ADAMTSL1: variants seen among roughly 807,000 people sequenced by gnomAD.
ADAMTSL1 encodes ADAMTS-like protein 1.
ADAMTSL1 carries 126 observed loss-of-function variants against 201.8 expected under a neutral mutation model. The observed-to-expected ratio is 0.62, with a 90% CI of 0.54 to 0.72. The LOEUF is 0.72. Among genes scored for constraint, ADAMTSL1 ranks in the 30% least tolerant of loss-of-function variants. ADAMTSL1 has a pLI of 0.00. For missense variants in ADAMTSL1, 2,679 were observed against 2,277.8 expected, an observed-to-expected ratio of 1.18 and a Z score of -3.59; for synonymous variants, 1,121 against 903.4, an observed-to-expected ratio of 1.24 and a Z score of -4.32.
chr9:18,439,806 A>G (rs1157480463), intron 2 of ADAMTSL1, among the ~76,000 whole-genome samples: 1 of 152,202 alleles, frequency 6.6e-6, no homozygotes, highest in Non-Finnish European at 1.5e-5. Flanking sequence ...TAGGCACTTT[A>G]TATTATTATC....
At chr9:18,744,595 C>T (rs1819025034) in intron 15 of ADAMTSL1, among the ~76,000 whole-genome samples, 3 of 152,248 alleles carry the variant, frequency 2.0e-5, no homozygotes, top group African/African-American at 7.2e-5. Context: ...GTACCAGGCC[C>T]TGGGTTTCAC....
At chr9:18,021,995 T>G (rs1172816070) in intron 1 of ADAMTSL1, among the ~76,000 whole-genome samples, 1 of 152,110 alleles carries the variant, frequency 6.6e-6, no homozygotes, top group Non-Finnish European at 1.5e-5. Flanking sequence ...AAAGTGGTGA[T>G]AAAAGGCATG....
intron 2 of ADAMTSL1, among the ~76,000 whole-genome samples, chr9:18,352,816 A>G (rs1268035903): frequency 2.6e-5 from 4 of 152,208 alleles, no homozygotes; most frequent in Non-Finnish European, 5.9e-5. Flanking sequence ...CTATTTCTCA[A>G]TCAGTCAGCG....
At chr9:18,100,486 A>G (rs548901708) in intron 1 of ADAMTSL1, among the ~76,000 whole-genome samples, 1 of 152,286 alleles carries the variant, frequency 6.6e-6, no homozygotes, top group African/African-American at 2.4e-5. Context: ...CTGAACTTTC[A>G]GAAGGATTCT....
At chr9:18,692,530 C>T (rs1006249604) in intron 13 of ADAMTSL1, among the ~76,000 whole-genome samples, 1 of 152,060 alleles carries the variant, frequency 6.6e-6, no homozygotes, top group African/African-American at 2.4e-5. Flanking sequence ...CCTTGTGTGC[C>T]AAAATAAAGT....
At chr9:18,502,208 G>A (rs985377541) in intron 1 of ADAMTSL1, among the ~76,000 whole-genome samples, 1 of 152,104 alleles carries the variant, frequency 6.6e-6, no homozygotes, top group Non-Finnish European at 1.5e-5. Context: ...TTGTAGTAAC[G>A]GATAGCATCA....
chr9:18,617,745 G>T (rs1237234240), intron 4 of ADAMTSL1, among the ~76,000 whole-genome samples: 5 of 152,120 alleles, frequency 3.3e-5, no homozygotes, highest in Admixed American at 3.3e-4. Context: ...TATTAATTTG[G>T]TAAGTTTCAG....
intron 2 of ADAMTSL1, among the ~76,000 whole-genome samples, chr9:18,332,226 T>G (rs60545315): frequency 0.031 from 4,699 of 152,298 alleles, 255 homozygotes; most frequent in African/African-American, 0.11. Context: ...CCATGTTATC[T>G]TACATAGATG....
At chr9:18,629,054 A>G (rs375676133) in intron 5 of ADAMTSL1, among the ~76,000 whole-genome samples, 22 of 152,232 alleles carry the variant, frequency 1.4e-4, no homozygotes, top group Admixed American at 9.8e-4. Context: ...TCCATGTCCA[A>G]TTATATATTC....
In ADAMTSL1 at chr9:18,697,718, T is replaced by A. The variant is rs1376255522; in HGVS notation, c.1575-9029T>A. Among the ~76,000 whole-genome samples the A allele has an allele frequency of 2.0e-5, 3 of 152,146 alleles. No homozygotes were observed. In the East Asian group the frequency reaches 5.8e-4, roughly 29 times the overall value. Reference sequence around the variant, plus strand: ...ATTCGGCAATCAGTTGAAAGTGAGATGTGAAGGAAATTGAGGGGTCAAGAA... The same window carrying A: ...ATTCGGCAATCAGTTGAAAGTGAGAAGTGAAGGAAATTGAGGGGTCAAGAA... On this transcript the variant is annotated intron_variant, in intron 13 of 28. Coordinates refer to ENST00000380548, the MANE Select transcript of ADAMTSL1 (RefSeq NM_001040272.6).
At chr9:18,239,908 C>T (rs1830996868) in intron 2 of ADAMTSL1, among the ~76,000 whole-genome samples, 1 of 152,198 alleles carries the variant, frequency 6.6e-6, no homozygotes, top group Non-Finnish European at 1.5e-5. Flanking sequence ...TATTCAGGCT[C>T]CATTTCTAAT....
chr9:18,282,674 G>C (rs114548413), intron 2 of ADAMTSL1, among the ~76,000 whole-genome samples: 141 of 152,328 alleles, frequency 9.3e-4, no homozygotes, highest in African/African-American at 3.2e-3. Context: ...GATGCAGGCA[G>C]ATCACCTGAG....
chr9:18,054,240 C>A (rs909074386), intron 1 of ADAMTSL1, among the ~76,000 whole-genome samples: 1 of 152,060 alleles, frequency 6.6e-6, no homozygotes, highest in Non-Finnish European at 1.5e-5. Flanking sequence ...CATGTAAAAG[C>A]CCAAAGAATA....
chr9:18,431,966 T>G (rs940516686), intron 2 of ADAMTSL1, among the ~76,000 whole-genome samples: 2 of 152,200 alleles, frequency 1.3e-5, no homozygotes, highest in African/African-American at 4.8e-5. Flanking sequence ...ACAAAGTTTA[T>G]AGAAAACTGA....
intron 6 of ADAMTSL1, among the ~76,000 whole-genome samples, chr9:18,637,256 G>A (rs1827161890): frequency 6.6e-6 from 1 of 152,104 alleles, no homozygotes; most frequent in African/African-American, 2.4e-5. Context: ...GTATGTGTGT[G>A]TATTATTACC....
chr9:18,441,932 A>G (rs1458529959), intron 2 of ADAMTSL1, among the ~76,000 whole-genome samples: 1 of 152,224 alleles, frequency 6.6e-6, no homozygotes, highest in African/African-American at 2.4e-5. Flanking sequence ...TGTTGTAATA[A>G]TAATAATTTT....
At chr9:18,639,843 C>A (rs1425277118) in intron 7 of ADAMTSL1, among the ~76,000 whole-genome samples, 1 of 152,072 alleles carries the variant, frequency 6.6e-6, no homozygotes, top group Non-Finnish European at 1.5e-5. Context: ...TTTGTGCTGG[C>A]AAGAAAACTA....
chr9:18,386,349 A>G (rs1837789666), intron 2 of ADAMTSL1, among the ~76,000 whole-genome samples: 2 of 152,180 alleles, frequency 1.3e-5, no homozygotes, highest in Admixed American at 6.5e-5. Context: ...TTTCTCAACC[A>G]TGATGGTTAG....
chr9:18,281,778 C>T (rs1057433736), intron 2 of ADAMTSL1, among the ~76,000 whole-genome samples: 10 of 152,128 alleles, frequency 6.6e-5, no homozygotes, highest in Admixed American at 3.9e-4. Flanking sequence ...CTGTTTTGCT[C>T]AGGCTGGTCT....
Sources: allele counts gnomAD v4.1 joint callset (sites outside exome capture counted in the v4.1 genomes callset), GRCh38; gene constraint gnomAD v4.1.1; transcripts MANE v1.5; gene names NCBI Gene and HGNC (gene_info 2026-07-23, HGNC 2026-07-21).